The following NEK7 variants were observed in gnomAD, a reference collection of about 807,000 sequenced individuals.
NEK7 encodes NIMA related kinase 7.
NEK7 carries 18 observed loss-of-function variants against 44.6 expected under a neutral mutation model. The observed-to-expected ratio is 0.40, with a 90% CI of 0.28 to 0.60. NEK7 has a LOEUF of 0.60. Among genes scored for constraint, NEK7 ranks in the 20% least tolerant of loss-of-function variants. NEK7 has a pLI of 0.38. For missense variants in NEK7, 256 were observed against 366.5 expected (o/e 0.70, Z 2.46); for synonymous variants, 130 against 121.1 (o/e 1.07, Z -0.48).
chr1:198,204,238 T>A (rs921104871), intron 1 of NEK7, among the ~76,000 whole-genome samples: 3 of 151,920 alleles, frequency 2.0e-5, no homozygotes, highest in African/African-American at 7.3e-5. Flanking sequence ...CCAGCCCGTG[T>A]GACAGAGTAA....
chr1:198,260,645 C>A (rs970263321), intron 3 of NEK7, among the ~76,000 whole-genome samples: 1 of 151,998 alleles, frequency 6.6e-6, no homozygotes, highest in Non-Finnish European at 1.5e-5. Flanking sequence ...TCTAGTCTGT[C>A]TCTTTTTGTA....
At chr1:198,243,460 C>CTGG (rs1666744256) in intron 2 of NEK7, among the ~76,000 whole-genome samples, 1 of 151,972 alleles carries the variant, frequency 6.6e-6, no homozygotes. Flanking sequence ...CCAGGTGTAG[C>CTGG]TGGTAGTGCT....
intron 9 of NEK7, among the ~76,000 whole-genome samples, chr1:198,319,084 G>A (rs183938762): frequency 6.6e-6 from 1 of 152,144 alleles, no homozygotes; most frequent in African/African-American, 2.4e-5. Context: ...TTAACTTGGA[G>A]ACTTATAGTT....
Position 198,273,949 on chromosome 1 carries a change from T to C in NEK7, c.373-4012T>C, listed in dbSNP as rs1193123689. ...GTGAGGAAGCTGAGACCCATCAAGGTTAAATGGCTTGTTCAAGGTCACACA... is the reference window on the plus strand; with the variant it reads ...GTGAGGAAGCTGAGACCCATCAAGGCTAAATGGCTTGTTCAAGGTCACACA... On this transcript the variant is annotated intron_variant, in intron 5 of 9. Coordinates refer to ENST00000367385, the MANE Select transcript of NEK7 (RefSeq NM_133494.3). Among the ~76,000 whole-genome samples, 33 of 151,492 alleles carry C rather than the reference T, an allele frequency of 2.2e-4. 1 individual carries two copies. Among genetic ancestry groups the C allele is most frequent in the Admixed American group, 2.0e-3 (31 of 15,142 alleles).
chr1:198,267,350 C>T (rs1653686301), intron 5 of NEK7, among the ~76,000 whole-genome samples: 1 of 151,902 alleles, frequency 6.6e-6, no homozygotes, highest in Non-Finnish European at 1.5e-5. Flanking sequence ...ATGCTAAAAG[C>T]AAGTAGAATA....
At chr1:198,167,206 A>G (rs1221055449) in intron 1 of NEK7, among the ~76,000 whole-genome samples, 4 of 152,036 alleles carry the variant, frequency 2.6e-5, no homozygotes, top group African/African-American at 9.7e-5. Flanking sequence ...GGTTCTTCCT[A>G]TGTGTTTTCG....
intron 4 of NEK7, among the ~76,000 whole-genome samples, chr1:198,262,906 AT>A (rs914534993): frequency 6.6e-6 from 1 of 151,338 alleles, no homozygotes; most frequent in African/African-American, 2.4e-5. Flanking sequence ...ACATTGAAGA[AT>A]TTTTTTTTCT....
intron 1 of NEK7, among the ~76,000 whole-genome samples, chr1:198,197,215 A>T (rs1298219390): frequency 6.6e-6 from 1 of 152,206 alleles, no homozygotes; most frequent in East Asian, 1.9e-4. Flanking sequence ...CATTTACTGT[A>T]TAATATTGCA....
intron 9 of NEK7, among the ~76,000 whole-genome samples, chr1:198,305,536 A>G (rs1169350560): frequency 2.0e-5 from 3 of 152,134 alleles, no homozygotes; most frequent in Non-Finnish European, 4.4e-5. Flanking sequence ...TCAGGTCACT[A>G]TGTAAGTTTG....
intron 9 of NEK7, among the ~76,000 whole-genome samples, chr1:198,315,128 G>A (rs1485324281): frequency 3.3e-5 from 5 of 152,320 alleles, no homozygotes; most frequent in African/African-American, 2.4e-5. Context: ...GCGGGATATA[G>A]TCTCCTGGTG....
chr1:198,305,126 CTTA>C (rs777345461), intron 9 of NEK7, among the ~76,000 whole-genome samples: 1 of 149,400 alleles, frequency 6.7e-6, no homozygotes, highest in Non-Finnish European at 1.5e-5. Flanking sequence ...TGTATTTATT[CTTA>C]TTAATGTTGT....
chr1:198,262,494 G>A (rs986133687), intron 3 of NEK7, 81 bp from the exon 4 acceptor site: 7 of 846,238 alleles, frequency 8.3e-6, no homozygotes, highest in South Asian at 3.2e-5. Context: ...ATAATTACAT[G>A]TAGAGTATTA....
intron 1 of NEK7, among the ~76,000 whole-genome samples, chr1:198,209,052 T>TATATATACACACA (rs938148003): frequency 8.7e-5 from 12 of 138,618 alleles, no homozygotes; most frequent in Non-Finnish European, 1.8e-4. Context: ...TATATATATA[T>TATATATACACACA]ATATATACAC....
At position 198,194,299 on chromosome 1, in the gene NEK7, CT is replaced by C. The variant is rs530096391; in HGVS notation, c.-29+37036del. Among the ~76,000 whole-genome samples, 586 of 131,776 alleles carry C rather than the reference CT, an allele frequency of 4.4e-3. 1 individual carries two copies. The highest frequency in any genetic ancestry group is 7.5e-3 in the African/African-American group (255 of 33,934). The allele number at this position is 131,776 out of a possible 152,430, so 86.5% of individuals were successfully genotyped here. A position where few individuals can be genotyped will look rare whatever the true frequency, so the allele number is the denominator to read the frequency against. Reference sequence around the variant, plus strand: ...AGCTTTTTGCATTTTCTTTTTCTTTCTTTTTTTTTTTTTAAGTTCGGGGCAT... The same window carrying C: ...AGCTTTTTGCATTTTCTTTTTCTTTCTTTTTTTTTTTTAAGTTCGGGGCAT... On this transcript the variant is annotated intron_variant, in intron 1 of 9. Coordinates refer to ENST00000367385, the MANE Select transcript of NEK7 (RefSeq NM_133494.3).
intron 2 of NEK7, among the ~76,000 whole-genome samples, chr1:198,233,092 GA>G (rs59719766): frequency 0.046 from 6,519 of 141,220 alleles, 209 homozygotes; most frequent in Non-Finnish European, 0.064. Context: ...GAAGGAAGAG[GA>G]AAAAAAAAAA....
intron 9 of NEK7, among the ~76,000 whole-genome samples, chr1:198,315,483 CT>C (rs1655342027): frequency 6.6e-6 from 1 of 152,164 alleles, no homozygotes; most frequent in African/African-American, 2.4e-5. Flanking sequence ...TGGGCCTTAG[CT>C]TTTCTAAGAG....
At chr1:198,250,419 A>T (rs1652901794) in intron 2 of NEK7, among the ~76,000 whole-genome samples, 1 of 152,136 alleles carries the variant, frequency 6.6e-6, no homozygotes, top group African/African-American at 2.4e-5. Context: ...CTGTGAAGAA[A>T]GTCATTGGTA....
chr1:198,205,421 AC>A (rs1269494200), intron 1 of NEK7, among the ~76,000 whole-genome samples: 2 of 152,136 alleles, frequency 1.3e-5, no homozygotes, highest in African/African-American at 2.4e-5. Context: ...CTTCAGACTT[AC>A]CTAATCATAA....
intron 1 of NEK7, among the ~76,000 whole-genome samples, chr1:198,177,700 G>A (rs1412646158): frequency 6.6e-6 from 1 of 152,090 alleles, no homozygotes; most frequent in African/African-American, 2.4e-5. Flanking sequence ...TGGGAATGAA[G>A]TGTTGGGGGA....
Sources: allele counts gnomAD v4.1 joint callset (sites outside exome capture counted in the v4.1 genomes callset), GRCh38; gene constraint gnomAD v4.1.1; transcripts MANE v1.5; gene names NCBI Gene and HGNC (gene_info 2026-07-23, HGNC 2026-07-21).